The following NMBR variants were observed in gnomAD, a reference collection of about 807,000 sequenced individuals.
The protein encoded by NMBR is neuromedin-B receptor.
Under a neutral mutation model 20.5 loss-of-function variants are expected in NMBR, and 16 were observed. That is an observed-to-expected ratio of 0.78 (90% CI 0.53 to 1.19). The LOEUF is 1.19. NMBR is among the 50% of genes most tolerant of loss of function. The pLI, the probability that NMBR is intolerant of heterozygous loss-of-function variation, is 0.00. For missense variants in NMBR, 582 were observed against 499.1 expected, an observed-to-expected ratio of 1.17 and a Z score of -1.58; for synonymous variants, 212 against 196.6, an observed-to-expected ratio of 1.08 and a Z score of -0.65.
At chr6:142,121,179 AC>A (rs1777938292) in intron 1 of NMBR, among the ~76,000 whole-genome samples, 1 of 151,914 alleles carries the variant, frequency 6.6e-6, no homozygotes, top group African/African-American at 2.4e-5. Flanking sequence ...ACTTTCATTG[AC>A]AAATGTTGTG....
intron 1 of NMBR, among the ~76,000 whole-genome samples, chr6:142,126,241 A>G (rs1778034369): frequency 7.7e-6 from 1 of 130,030 alleles, no homozygotes; most frequent in Admixed American, 7.7e-5. Context: ...TTAAGGGCTT[A>G]ACAATATTCC....
chr6:142,079,104 G>GAAAGAAAGAA (rs764796811), intron 2 of NMBR, among the ~76,000 whole-genome samples: 5 of 58,626 alleles, frequency 8.5e-5, no homozygotes, highest in African/African-American at 2.0e-4. Flanking sequence ...AAGAGAGAGA[G>GAAAGAAAGAA]AGAAAGAAAG....
chr6:142,083,119 GA>G (rs1337547313), intron 2 of NMBR, among the ~76,000 whole-genome samples: 1 of 152,120 alleles, frequency 6.6e-6, no homozygotes, highest in African/African-American at 2.4e-5. Flanking sequence ...AAGTATAAAA[GA>G]AAGAGATAAA....
Position 142,139,734 on chromosome 6 carries a change from A to G in NMBR, c.-664+7310T>C, listed in dbSNP as rs191610165. On this transcript the variant is annotated intron_variant, in intron 1 of 3. Coordinates refer to ENST00000258042, the MANE Select transcript of NMBR (RefSeq NM_002511.4). ...AGACAATCTTGTAAATTCACTACCG[A>G]CCTACTATGATTTCATTTTATTAGT... Among the ~76,000 whole-genome samples, 532 of 152,292 alleles carry G rather than the reference A, an allele frequency of 3.5e-3. 3 individuals are homozygous for G. Among genetic ancestry groups the G allele is most frequent in the African/African-American group, 0.012 (506 of 41,546 alleles).
At chr6:142,085,780 A>G (rs1387893498) in intron 2 of NMBR, among the ~76,000 whole-genome samples, 1 of 152,106 alleles carries the variant, frequency 6.6e-6, no homozygotes, top group African/African-American at 2.4e-5. Context: ...AGGCAAAGAG[A>G]TCTTAGGCAA....
At chr6:142,086,785 A>C (rs752237355) in intron 2 of NMBR, among the ~76,000 whole-genome samples, 11 of 152,164 alleles carry the variant, frequency 7.2e-5, no homozygotes, top group Non-Finnish European at 1.2e-4. Flanking sequence ...ATGACAATAG[A>C]TTGTAAAAAC....
intron 1 of NMBR, among the ~76,000 whole-genome samples, chr6:142,101,099 G>T (rs776692357): frequency 6.6e-6 from 1 of 152,150 alleles, no homozygotes; most frequent in African/African-American, 2.4e-5. Context: ...AAAAAGAAAA[G>T]TGATATACAG....
chr6:142,123,556 T>C (rs1323609024), intron 1 of NMBR, among the ~76,000 whole-genome samples: 2 of 151,842 alleles, frequency 1.3e-5, no homozygotes, highest in African/African-American at 4.8e-5. Flanking sequence ...TGAAAGGAAG[T>C]CAGTTGATGT....
chr6:142,085,335 C>A (rs1014066773), intron 2 of NMBR, among the ~76,000 whole-genome samples: 1 of 152,098 alleles, frequency 6.6e-6, no homozygotes, highest in Non-Finnish European at 1.5e-5. Flanking sequence ...ACCAGCCTGG[C>A]CAACATGGTG....
At chr6:142,092,804 G>C (rs1261405117) in intron 1 of NMBR, among the ~76,000 whole-genome samples, 1 of 152,168 alleles carries the variant, frequency 6.6e-6, no homozygotes, top group Non-Finnish European at 1.5e-5. Flanking sequence ...GTCATACAGA[G>C]AAAGAACTCT....
chr6:142,098,299 C>A (rs780463345), intron 1 of NMBR, among the ~76,000 whole-genome samples: 4 of 152,048 alleles, frequency 2.6e-5, no homozygotes, highest in Non-Finnish European at 5.9e-5. Context: ...TCTCACCATT[C>A]CTTTTCAATT....
chr6:142,116,506 A>G (rs1311755398), intron 1 of NMBR, among the ~76,000 whole-genome samples: 1 of 152,034 alleles, frequency 6.6e-6, no homozygotes. Flanking sequence ...TTGAAACCCT[A>G]CAAGGGTATT....
chr6:142,111,011 G>A (rs371290974), intron 1 of NMBR, among the ~76,000 whole-genome samples: 15 of 152,080 alleles, frequency 9.9e-5, no homozygotes, highest in African/African-American at 2.4e-4. Flanking sequence ...AGGCCAAGGC[G>A]CATGGATCAC....
At chr6:142,110,708 G>A (rs1337229875) in intron 1 of NMBR, among the ~76,000 whole-genome samples, 2 of 152,054 alleles carry the variant, frequency 1.3e-5, no homozygotes, top group Non-Finnish European at 2.9e-5. Flanking sequence ...ACTTTAAATG[G>A]GTAAATGGCA....
intron 1 of NMBR, among the ~76,000 whole-genome samples, chr6:142,096,515 G>C (rs1161588562): frequency 6.6e-6 from 1 of 152,152 alleles, no homozygotes; most frequent in Non-Finnish European, 1.5e-5. Flanking sequence ...GTTCTAGTTT[G>C]ATTGCACTGT....
chr6:142,137,520 T>C (rs960637090), intron 1 of NMBR, among the ~76,000 whole-genome samples: 1 of 152,186 alleles, frequency 6.6e-6, no homozygotes, highest in African/African-American at 2.4e-5. Context: ...TGGCCGGAAC[T>C]TCCAACACTA....
chr6:142,120,217 T>C (rs1777920997), intron 1 of NMBR, among the ~76,000 whole-genome samples: 2 of 151,800 alleles, frequency 1.3e-5, no homozygotes, highest in South Asian at 4.2e-4. Context: ...TAACAATCAT[T>C]ATAAAAGATG....
intron 1 of NMBR, among the ~76,000 whole-genome samples, chr6:142,143,532 C>T (rs554610134): frequency 1.6e-3 from 241 of 152,342 alleles, no homozygotes; most frequent in Non-Finnish European, 3.0e-3. Flanking sequence ...GATCCACTCT[C>T]CTCGGCTTCC....
Position 142,078,615 on chromosome 6 carries a change from C to A in NMBR, c.711G>T (p.Lys237Asn), listed in dbSNP as rs113907063. 1,159 of 1,612,806 alleles carry A rather than the reference C, an allele frequency of 7.2e-4. 14 individuals carry two copies. The African/African-American group carries it at 0.014, about 19-fold the overall frequency. The change falls in exon 3 of 4, where the codon AAG becomes AAT. Residue 237 changes from lysine (K) to asparagine (N), a missense_variant. Lys to Asn is a moderately conservative substitution (Grantham distance 94). Transcript: ENST00000258042. The part of the protein sequence containing the change: ...IISIYYYHIA[K>N]TLIKSAHNLP... The stretch of plus-strand genomic sequence containing the variant: ...GATTGTGTGCGCTTTTAATTAAGGT[C>A]TTTGCAATATGATAATAATAAATGC...
Sources: gnomAD v4.1 joint callset for allele counts (sites outside exome capture counted in the v4.1 genomes callset) on GRCh38, gnomAD v4.1.1 for gene constraint, MANE v1.5 for transcripts, NCBI Gene and HGNC (gene_info 2026-07-23, HGNC 2026-07-21) for gene names.